Variants in PHF14 observed in about 807,000 individuals in gnomAD.
The protein encoded by PHF14 is PHD finger protein 14.
PHF14 carries 55 observed loss-of-function variants against 117.9 expected under a neutral mutation model. The ratio of observed to expected loss-of-function variants is 0.47; its 90% CI spans 0.38 to 0.58. PHF14 has a LOEUF of 0.58. Ranked by LOEUF, PHF14 falls within the 20% of genes least tolerant of loss-of-function variation. The pLI is 0.00. For synonymous variants in PHF14, 409 were observed against 368.6 expected (o/e 1.11, Z -1.26); for missense variants, 978 against 1,122.2 (o/e 0.87, Z 1.84).
intron 13 of PHF14, among the ~76,000 whole-genome samples, chr7:11,050,983 T>C (rs1784834737): frequency 6.6e-6 from 1 of 152,144 alleles, no homozygotes; most frequent in African/African-American, 2.4e-5. Context: ...TGAAGGACTT[T>C]GATTTTCAGG....
intron 17 of PHF14, among the ~76,000 whole-genome samples, chr7:11,137,872 C>G (rs1788271333): frequency 6.6e-6 from 1 of 152,068 alleles, no homozygotes; most frequent in South Asian, 2.1e-4. Flanking sequence ...CAGGCATGAG[C>G]CACTGCGCCC....
chr7:11,032,366 G>T (rs17163914), intron 7 of PHF14, among the ~76,000 whole-genome samples: 3,949 of 152,150 alleles, frequency 0.026, 136 homozygotes, highest in East Asian at 0.1. Context: ...GTAAAGCGTA[G>T]GTACGTTCTT....
At chr7:11,083,465 T>A (rs796381531) in intron 16 of PHF14, among the ~76,000 whole-genome samples, 1 of 34,146 alleles carries the variant, frequency 2.9e-5, no homozygotes, top group African/African-American at 2.0e-4. Context: ...GCTTTCCCTA[T>A]TTTTTTTTTT....
At chr7:11,063,547 C>G (rs1245134330) in intron 16 of PHF14, 26 of 973,714 alleles carry the variant, frequency 2.7e-5, no homozygotes, top group Non-Finnish European at 2.8e-5. Flanking sequence ...GCTGGTGATC[C>G]TTTTATTAAT....
At chr7:10,977,383 C>T (rs914364708) in intron 2 of PHF14, among the ~76,000 whole-genome samples, 2 of 152,052 alleles carry the variant, frequency 1.3e-5, no homozygotes, top group African/African-American at 2.4e-5. Flanking sequence ...AACTGGATTC[C>T]GTGGATCAAT....
intron 16 of PHF14, among the ~76,000 whole-genome samples, chr7:11,101,807 C>G (rs1020108128): frequency 2.6e-5 from 4 of 151,814 alleles, no homozygotes; most frequent in African/African-American, 9.7e-5. Context: ...CTTCACAGAT[C>G]TAAATGTTTG....
At chr7:11,110,581 C>T (rs1034846610) in intron 16 of PHF14, 1 of 925,208 alleles carries the variant, frequency 1.1e-6, no homozygotes, top group Non-Finnish European at 1.3e-6. Context: ...TTTTGCACAT[C>T]ATAGGTGGCA....
At chr7:11,068,423 T>C (rs1394275259) in intron 16 of PHF14, among the ~76,000 whole-genome samples, 2 of 140,868 alleles carry the variant, frequency 1.4e-5, no homozygotes, top group Non-Finnish European at 3.0e-5. Flanking sequence ...CTAAGTAAAA[T>C]AAACCAGTTA....
rs146804674 is a variant in PHF14 at position 11,142,341 on chromosome 7, G to A, written c.2773-27075G>A. The stretch of plus-strand genomic sequence containing the variant: ...AGCAATTATTCACTGCGCCATAATG[G>A]ATCATTTTTATCTGCATCATGTGCC... On this transcript the variant is annotated intron_variant, in intron 17 of 17. Transcript: ENST00000634607. Among the ~76,000 whole-genome samples, 593 of 151,934 alleles carry A rather than the reference G, an allele frequency of 3.9e-3. 2 individuals are homozygous for A. The highest frequency in any genetic ancestry group is 6.9e-3 in the Non-Finnish European group (467 of 67,860).
chr7:11,134,186 T>G (rs907921965), intron 17 of PHF14, among the ~76,000 whole-genome samples: 1 of 152,026 alleles, frequency 6.6e-6, no homozygotes, highest in Non-Finnish European at 1.5e-5. Flanking sequence ...AGTAGGCTTG[T>G]AGAATCTAAC....
chr7:11,104,191 A>G, intron 16 of PHF14: 4 of 982,870 alleles, frequency 4.1e-6, no homozygotes, highest in Non-Finnish European at 4.8e-6. Flanking sequence ...GATTCCAATT[A>G]TAATACTATA....
At chr7:11,045,165 T>A (rs1784624710) in intron 13 of PHF14, among the ~76,000 whole-genome samples, 1 of 152,200 alleles carries the variant, frequency 6.6e-6, no homozygotes, top group Admixed American at 6.5e-5. Context: ...ATAACAGGGC[T>A]TTCCCCCAGA....
At chr7:11,058,361 A>T (rs1785092080) in intron 14 of PHF14, among the ~76,000 whole-genome samples, 1 of 152,164 alleles carries the variant, frequency 6.6e-6, no homozygotes, top group African/African-American at 2.4e-5. Flanking sequence ...AGCAGTTATG[A>T]ATTTTCGTAG....
chr7:11,105,344 T>C (rs1468092383), intron 16 of PHF14: 1 of 944,810 alleles, frequency 1.1e-6, no homozygotes, highest in Non-Finnish European at 1.3e-6. Context: ...CTCCATTCTA[T>C]TTCCCTGTAT....
rs373802740 is a variant in PHF14 at position 11,111,429 on chromosome 7, G to C, written c.2734G>C (p.Gly912Arg). Residue 912 changes from glycine (G) to arginine (R), a missense_variant, in exon 17 of 18, where the codon GGA becomes CGA. Around this residue, in one of 7 missense-constraint regions of PHF14, gnomAD observed 180 missense variants for 195.4 expected, o/e 0.92. Transcript: ENST00000634607. ...LKKSPKQTGY[G>R]WICQECDSSS... The stretch of plus-strand genomic sequence containing the variant: ...AAAGTCTCCTAAACAGACAGGCTAC[G>C]GATGGATATGTCAGGAATGTGATTC... 2 of 1,602,750 alleles carry C rather than the reference G, an allele frequency of 1.2e-6. No individual in the cohort carries two copies. The highest frequency in any genetic ancestry group is 1.7e-5 in the Admixed American group (1 of 59,510).
At chr7:11,092,929 T>G (rs1786698469) in intron 16 of PHF14, among the ~76,000 whole-genome samples, 1 of 152,216 alleles carries the variant, frequency 6.6e-6, no homozygotes, top group Admixed American at 6.5e-5. Flanking sequence ...ATAGTGACCC[T>G]TGAATCAGAT....
intron 16 of PHF14, chr7:11,062,395 A>G (rs997816477): frequency 5.7e-6 from 1 of 176,068 alleles, no homozygotes; most frequent in Non-Finnish European, 1.2e-5. Flanking sequence ...AACACTGTGT[A>G]CTAAGATTAT....
intron 17 of PHF14, among the ~76,000 whole-genome samples, chr7:11,159,623 G>T (rs1477664564): frequency 6.6e-6 from 1 of 152,014 alleles, no homozygotes; most frequent in Non-Finnish European, 1.5e-5. Flanking sequence ...TTATCAATGT[G>T]GGTATCTTGG....
At chr7:11,167,315 T>C (rs868504808) in intron 17 of PHF14, among the ~76,000 whole-genome samples, 1 of 152,340 alleles carries the variant, frequency 6.6e-6, no homozygotes, top group Middle Eastern at 3.4e-3. Flanking sequence ...CTCATGTTGC[T>C]TCAAACATTT....
Sources: gnomAD v4.1 joint callset for allele counts (sites outside exome capture counted in the v4.1 genomes callset) on GRCh38, gnomAD v4.1.1 for gene constraint, gnomAD v4.1.1 regional missense constraint, MANE v1.5 for transcripts, NCBI Gene and HGNC (gene_info 2026-07-23, HGNC 2026-07-21) for gene names.